Variants in AGBL1 observed in about 807,000 individuals in gnomAD.
The protein encoded by AGBL1 is AGBL carboxypeptidase 1, also known as cytosolic carboxypeptidase 4.
In AGBL1, 130 loss-of-function variants were observed where a neutral mutation model predicts 118.9. That is an observed-to-expected ratio of 1.09 (90% confidence interval 0.95 to 1.26). The LOEUF (loss-of-function observed/expected upper bound fraction) is 1.26. Ranked by LOEUF, AGBL1 falls within the 50% of genes most tolerant of loss-of-function variation. The probability of loss-of-function intolerance (pLI) is 0.00; values close to 1 mark genes in which losing one functional copy is unlikely to be tolerated. For synonymous variants in AGBL1, 555 were observed against 478.9 expected (o/e 1.16, Z -2.08); for missense variants, 1,584 against 1,298.1 (o/e 1.22, Z -3.38).
intron 19 of AGBL1, among the ~76,000 whole-genome samples, chr15:86,525,924 G>A (rs993621662): frequency 1.3e-5 from 2 of 152,078 alleles, no homozygotes; most frequent in Non-Finnish European, 2.9e-5. Context: ...AGAGTAAACA[G>A]ACAACCTACA....
intron 22 of AGBL1, among the ~76,000 whole-genome samples, chr15:86,735,455 T>A (rs1460166470): frequency 6.6e-6 from 1 of 151,990 alleles, no homozygotes; most frequent in Non-Finnish European, 1.5e-5. Flanking sequence ...AGTGGGCAGA[T>A]TTCAAAGGAA....
At chr15:86,266,842 A>G (rs1442719602) in intron 12 of AGBL1, 148 bp from the exon 13 acceptor site, 3 of 694,242 alleles carry the variant, frequency 4.3e-6, no homozygotes, top group Non-Finnish European at 4.9e-6. Context: ...CGGAGGTTGC[A>G]GTGAGCTGAC....
intron 22 of AGBL1, among the ~76,000 whole-genome samples, chr15:86,725,519 C>G (rs562039708): frequency 6.6e-6 from 1 of 152,332 alleles, no homozygotes; most frequent in Admixed American, 6.5e-5. Flanking sequence ...GTGGCTGCCT[C>G]TTTTACCAAT....
intron 22 of AGBL1, among the ~76,000 whole-genome samples, chr15:86,684,528 C>T (rs2086020392): frequency 6.6e-6 from 1 of 151,414 alleles, no homozygotes; most frequent in South Asian, 2.1e-4. Flanking sequence ...ACTATGTTGC[C>T]CAGGCTGGTC....
intron 21 of AGBL1, among the ~76,000 whole-genome samples, chr15:86,592,827 A>G (rs2084356435): frequency 6.6e-6 from 1 of 152,184 alleles, no homozygotes; most frequent in Non-Finnish European, 1.5e-5. Context: ...TTAGAGAGAC[A>G]GTATAACACA....
chr15:86,897,156 T>G (rs987136785), intron 22 of AGBL1, among the ~76,000 whole-genome samples: 7 of 152,216 alleles, frequency 4.6e-5, no homozygotes, highest in African/African-American at 1.7e-4. Flanking sequence ...TTTAGAAGAC[T>G]TATTTTTCTA....
In AGBL1 at chr15:86,164,046, G is replaced by A. The variant is rs374186120; in HGVS notation, c.488+5020G>A. On this transcript the variant is annotated intron_variant, in intron 5 of 22. Coordinates refer to ENST00000614907, the MANE Select transcript of AGBL1 (RefSeq NM_001386094.1). Reference sequence around the variant, plus strand: ...CGAAGCAGCAGCCACCAGCTTGAAAGGGAGCAAAGTTTCTCTCACTGGAGG... The same window carrying A: ...CGAAGCAGCAGCCACCAGCTTGAAAAGGAGCAAAGTTTCTCTCACTGGAGG... Among the ~76,000 whole-genome samples, 16 of 152,366 alleles carry A rather than the reference G, an allele frequency of 1.1e-4. No individual in the cohort carries two copies. In the South Asian group the frequency reaches 3.1e-3, roughly 30 times the overall value.
chr15:86,792,624 A>G (rs768182685), intron 22 of AGBL1, among the ~76,000 whole-genome samples: 3 of 152,076 alleles, frequency 2.0e-5, no homozygotes, highest in Non-Finnish European at 4.4e-5. Flanking sequence ...CCTGGCCTGC[A>G]CCTTTAAAAT....
chr15:86,967,639 T>C (rs2081068215), intron 23 of AGBL1, among the ~76,000 whole-genome samples: 1 of 152,104 alleles, frequency 6.6e-6, no homozygotes, highest in Non-Finnish European at 1.5e-5. Flanking sequence ...TAGTTGTAGA[T>C]GTGTGGTATT....
intron 1 of AGBL1, among the ~76,000 whole-genome samples, chr15:86,108,696 T>C (rs752806204): frequency 2.6e-5 from 4 of 152,200 alleles, no homozygotes; most frequent in African/African-American, 4.8e-5. Flanking sequence ...CAGTGGCTCA[T>C]GCCTATAATC....
At position 86,389,060 on chromosome 15, in the gene AGBL1, TA is replaced by T. The variant is rs569773971; in HGVS notation, c.2375-8304del. Reference sequence around the variant, plus strand: ...TGAGAAATTAGAAATGTATCGGTAATAACTGATATAGCTTTTGAAGAGAAGA... The same window carrying T: ...TGAGAAATTAGAAATGTATCGGTAATACTGATATAGCTTTTGAAGAGAAGA... On this transcript the variant is annotated intron_variant, in intron 17 of 22. Coordinates refer to ENST00000614907, the MANE Select transcript of AGBL1 (RefSeq NM_001386094.1). 1.6e-3 allele frequency among the ~76,000 whole-genome samples: 245 copies of T among 152,320 alleles called. 1 individual carries two copies. Among genetic ancestry groups the T allele is most frequent in the Non-Finnish European group, 2.9e-3 (194 of 68,024 alleles).
intron 18 of AGBL1, among the ~76,000 whole-genome samples, chr15:86,513,387 T>A (rs2083076139): frequency 6.6e-6 from 1 of 152,068 alleles, no homozygotes; most frequent in South Asian, 2.1e-4. Context: ...GGTGATGTTG[T>A]ACCCTTCTCA....
chr15:86,396,225 A>ATGTGTG (rs1193757610), intron 17 of AGBL1, among the ~76,000 whole-genome samples: 1,716 of 128,164 alleles, frequency 0.013, 37 homozygotes, highest in African/African-American at 0.05. Flanking sequence ...GTGTATATAT[A>ATGTGTG]TGTGTGTGTG....
chr15:86,444,041 T>A (rs998912349), intron 18 of AGBL1, among the ~76,000 whole-genome samples: 1 of 152,176 alleles, frequency 6.6e-6, no homozygotes, highest in African/African-American at 2.4e-5. Context: ...CTGTTTTCCA[T>A]AAAGGTGGTG....
At chr15:86,188,415 A>T (rs2077666992) in intron 5 of AGBL1, among the ~76,000 whole-genome samples, 1 of 152,200 alleles carries the variant, frequency 6.6e-6, no homozygotes, top group Admixed American at 6.5e-5. Flanking sequence ...ATAAAAAAAA[A>T]GACTGTTGAT....
intron 1 of AGBL1, among the ~76,000 whole-genome samples, chr15:86,119,535 G>A (rs996325428): frequency 1.2e-4 from 18 of 152,118 alleles, no homozygotes; most frequent in African/African-American, 4.3e-4. Flanking sequence ...CAGCTTAAAT[G>A]ATCTGCCCCC....
At position 86,748,546 on chromosome 15, in the gene AGBL1, T is replaced by G. The variant is rs1240881136; in HGVS notation, c.3158+74110T>G. The stretch of plus-strand genomic sequence containing the variant: ...TTTTTTTTTTTTTTTTTTTTTTTTT[T>G]GCCATTGCTTTTGGTGTTTTAGAGA... On this transcript the variant is annotated intron_variant, in intron 22 of 22. Coordinates refer to ENST00000614907, the MANE Select transcript of AGBL1 (RefSeq NM_001386094.1). 7.2e-4 allele frequency among the ~76,000 whole-genome samples: 84 copies of G among 115,992 alleles called. 2 individuals carry two copies. Among genetic ancestry groups the G allele is most frequent in the African/African-American group, 2.5e-3 (76 of 30,048 alleles). The allele number at this position is 115,992 out of a possible 152,430, so 76.1% of individuals were successfully genotyped here.
intron 22 of AGBL1, among the ~76,000 whole-genome samples, chr15:86,744,676 G>A (rs889731860): frequency 2.0e-5 from 3 of 152,034 alleles, no homozygotes; most frequent in South Asian, 2.1e-4. Flanking sequence ...TCCCTTCCCC[G>A]TGTTTCTCCC....
intron 1 of AGBL1, among the ~76,000 whole-genome samples, chr15:86,109,305 G>T (rs1253357319): frequency 1.3e-5 from 2 of 152,048 alleles, no homozygotes; most frequent in African/African-American, 4.8e-5. Context: ...TATGAATGAG[G>T]ATACTTATCT....
Sources: allele counts gnomAD v4.1 joint callset (sites outside exome capture counted in the v4.1 genomes callset), GRCh38; gene constraint gnomAD v4.1.1; transcripts MANE v1.5; gene names NCBI Gene and HGNC (gene_info 2026-07-23, HGNC 2026-07-21).